Variants in MCTP1 observed in about 807,000 individuals in gnomAD.
MCTP1 encodes multiple C2 and transmembrane domain containing 1.
MCTP1 carries 69 observed loss-of-function variants against 120.6 expected under a neutral mutation model. That is an observed-to-expected ratio of 0.57 (90% confidence interval 0.47 to 0.70). The LOEUF (loss-of-function observed/expected upper bound fraction) is 0.70, where lower values mean the gene tolerates loss of function less well. Among genes scored for constraint, MCTP1 ranks in the 30% least tolerant of loss-of-function variants. MCTP1 has a pLI of 0.00. For synonymous variants in MCTP1, 529 were observed against 493.1 expected, an observed-to-expected ratio of 1.07 and a Z score of -0.96; for missense variants, 1,203 against 1,248.8, an observed-to-expected ratio of 0.96 and a Z score of 0.55.
intron 2 of MCTP1, among the ~76,000 whole-genome samples, chr5:94,985,897 G>T (rs1830339807): frequency 1.3e-5 from 2 of 151,970 alleles, no homozygotes; most frequent in Admixed American, 6.6e-5. Context: ...TGATTGTTTT[G>T]GTTCACTTAT....
chr5:95,070,210 G>C (rs1751787626), intron 1 of MCTP1, among the ~76,000 whole-genome samples: 3 of 152,204 alleles, frequency 2.0e-5, no homozygotes, highest in Admixed American at 1.3e-4. Flanking sequence ...CAAAGTCCCA[G>C]GCCACATCTG....
chr5:95,121,043 C>T (rs1271621074), intron 1 of MCTP1, among the ~76,000 whole-genome samples: 1 of 151,982 alleles, frequency 6.6e-6, no homozygotes, highest in Non-Finnish European at 1.5e-5. Flanking sequence ...CTTTGTCAGG[C>T]CAAGGTGGGC....
chr5:94,796,157 G>A (rs551952446), intron 18 of MCTP1, among the ~76,000 whole-genome samples: 4 of 152,138 alleles, frequency 2.6e-5, no homozygotes, highest in East Asian at 3.9e-4. Context: ...CGTATGTCAC[G>A]GAAATTTTGT....
intron 19 of MCTP1, among the ~76,000 whole-genome samples, chr5:94,720,317 T>C (rs1760597845): frequency 6.6e-6 from 1 of 151,738 alleles, no homozygotes; most frequent in South Asian, 2.1e-4. Context: ...ATTTAAAACA[T>C]GTCAAAAGTC....
At chr5:95,259,551 C>A (rs1758260206) in intron 1 of MCTP1, among the ~76,000 whole-genome samples, 1 of 152,184 alleles carries the variant, frequency 6.6e-6, no homozygotes, top group South Asian at 2.1e-4. Flanking sequence ...GAAACACAAT[C>A]TCTTTCCTGC....
intron 10 of MCTP1, among the ~76,000 whole-genome samples, chr5:94,897,685 T>C (rs1804430731): frequency 6.6e-6 from 1 of 152,148 alleles, no homozygotes. Context: ...CCCAAACTTT[T>C]ATTTTAGGTT....
At chr5:95,011,695 G>T (rs1009726159) in intron 2 of MCTP1, among the ~76,000 whole-genome samples, 3 of 152,096 alleles carry the variant, frequency 2.0e-5, no homozygotes, top group South Asian at 2.1e-4. Flanking sequence ...AGGCCTTCTA[G>T]TCATGCTTCC....
intron 10 of MCTP1, among the ~76,000 whole-genome samples, chr5:94,898,398 T>A (rs1581242546): frequency 6.6e-6 from 1 of 152,362 alleles, no homozygotes; most frequent in Non-Finnish European, 1.5e-5. Context: ...GCTTTACTGA[T>A]GGGTATCAAA....
chr5:95,121,252 T>C (rs2152407765), intron 1 of MCTP1, among the ~76,000 whole-genome samples: 1 of 111,894 alleles, frequency 8.9e-6, no homozygotes, highest in African/African-American at 3.5e-5. Flanking sequence ...CACTCCAGCC[T>C]GGGTGACAGA....
chr5:95,010,641 G>C (rs1191730978), intron 2 of MCTP1, among the ~76,000 whole-genome samples: 1 of 152,134 alleles, frequency 6.6e-6, no homozygotes, highest in Non-Finnish European at 1.5e-5. Context: ...CACTAGTGAA[G>C]CTGGATTGGA....
chr5:94,804,587 C>T (rs545486888), intron 17 of MCTP1, among the ~76,000 whole-genome samples: 5 of 152,030 alleles, frequency 3.3e-5, no homozygotes, highest in African/African-American at 9.6e-5. Context: ...TACAGGCGCC[C>T]GCCACCACGC....
chr5:95,081,433 CA>C, intron 1 of MCTP1: 1 of 1,611,596 alleles, frequency 6.2e-7, no homozygotes, highest in Non-Finnish European at 8.5e-7. Context: ...TACCTTATTA[CA>C]AATAAATGGC....
At chr5:95,093,957 C>T (rs72779434) in intron 1 of MCTP1, among the ~76,000 whole-genome samples, 11,692 of 152,234 alleles carry the variant, frequency 0.077, 563 homozygotes, top group African/African-American at 0.13. Context: ...AATCTAGGCC[C>T]CCAGGCTACA....
At chr5:94,898,193 A>G (rs1244243903) in intron 10 of MCTP1, among the ~76,000 whole-genome samples, 1 of 152,234 alleles carries the variant, frequency 6.6e-6, no homozygotes, top group African/African-American at 2.4e-5. Flanking sequence ...AATAATTCCA[A>G]TGTAGAGAAT....
At chr5:94,875,797 A>C (rs1171331316) in intron 12 of MCTP1, among the ~76,000 whole-genome samples, 2 of 151,704 alleles carry the variant, frequency 1.3e-5, no homozygotes, top group Non-Finnish European at 2.9e-5. Flanking sequence ...AGGTGCTCAG[A>C]CTAGATATTT....
intron 10 of MCTP1, among the ~76,000 whole-genome samples, chr5:94,899,988 T>G (rs998363791): frequency 2.6e-5 from 4 of 152,210 alleles, no homozygotes; most frequent in African/African-American, 9.6e-5. Context: ...CCTCTCTGTA[T>G]GGATGTCTAC....
chr5:95,005,588 C>G (rs1834552400), intron 2 of MCTP1, among the ~76,000 whole-genome samples: 1 of 152,030 alleles, frequency 6.6e-6, no homozygotes, highest in Non-Finnish European at 1.5e-5. Flanking sequence ...CTCAAGAGAT[C>G]TAGTTGTTTG....
At chr5:95,171,900 T>G (rs1243293846) in intron 1 of MCTP1, among the ~76,000 whole-genome samples, 2 of 152,210 alleles carry the variant, frequency 1.3e-5, no homozygotes, top group African/African-American at 4.8e-5. Context: ...GAAGCCTTCT[T>G]CTCTCAACTC....
chr5:95,204,384 G>T (rs1249512617), intron 1 of MCTP1, among the ~76,000 whole-genome samples: 1 of 151,998 alleles, frequency 6.6e-6, no homozygotes, highest in Non-Finnish European at 1.5e-5. Flanking sequence ...ATGGTAAAGG[G>T]CATCCAAAAA....
Sources: allele counts gnomAD v4.1 joint callset (sites outside exome capture counted in the v4.1 genomes callset), GRCh38; gene constraint gnomAD v4.1.1; transcripts MANE v1.5; gene names NCBI Gene and HGNC (gene_info 2026-07-23, HGNC 2026-07-21).